The following ZDHHC20 variants were observed in gnomAD, a reference collection of about 807,000 sequenced individuals.
The protein encoded by ZDHHC20 is palmitoyltransferase ZDHHC20.
A neutral mutation model predicts 57.8 loss-of-function variants in ZDHHC20; 43 were observed. The ratio of observed to expected loss-of-function variants is 0.74; its 90% CI spans 0.58 to 0.96. The LOEUF is 0.96. Among genes scored for constraint, ZDHHC20 ranks in the 40% least tolerant of loss-of-function variants. The pLI, the probability that ZDHHC20 is intolerant of heterozygous loss-of-function variation, is 0.00. For missense variants in ZDHHC20, 391 were observed against 441.1 expected (o/e 0.89, Z 1.02); for synonymous variants, 157 against 153.0 (o/e 1.03, Z -0.19).
chr13:21,445,349 CTT>C (rs1440654013), intron 1 of ZDHHC20, among the ~76,000 whole-genome samples: 1 of 152,048 alleles, frequency 6.6e-6, no homozygotes, highest in Non-Finnish European at 1.5e-5. Flanking sequence ...ACCTATGAGT[CTT>C]TGTTTTTAAT....
chr13:21,451,409 CAAG>C (rs746978837), intron 1 of ZDHHC20, among the ~76,000 whole-genome samples: 20 of 152,050 alleles, frequency 1.3e-4, no homozygotes, highest in Non-Finnish European at 2.9e-4. Flanking sequence ...CTAATGGATA[CAAG>C]AACAAACAGG....
intron 1 of ZDHHC20, among the ~76,000 whole-genome samples, chr13:21,448,500 CGTCCGGG>C (rs1884089138): frequency 9.9e-6 from 1 of 101,074 alleles, no homozygotes; most frequent in African/African-American, 3.2e-5. Flanking sequence ...CCAGCCGCCC[CGTCCGGG>C]AGGTGAGGGG....
Position 21,387,743 on chromosome 13 carries a change from A to G in ZDHHC20, c.728-109T>C, listed in dbSNP as rs1296824255. On this transcript the variant is annotated intron_variant, in intron 8 of 12. Coordinates refer to ENST00000400590, the MANE Select transcript of ZDHHC20 (RefSeq NM_001330059.2). ...TATCTTTGACACAAAAACTGTAAAT[A>G]TAATTTAAAATAAATAATACATTAG... 10 of 563,336 alleles carry G rather than the reference A, an allele frequency of 1.8e-5. No individual in the cohort carries two copies. In the East Asian group the frequency reaches 3.1e-4, roughly 17 times the overall value. The allele number at this position is 563,336 out of a possible 1,614,324, so 34.9% of individuals were successfully genotyped here.
rs1162358506 is a variant in ZDHHC20, at chr13:21,373,316, T to C, written c.*3380A>G. On this transcript the variant is annotated 3_prime_UTR_variant, in exon 13 of 13. Coordinates refer to ENST00000400590, the MANE Select transcript of ZDHHC20 (RefSeq NM_001330059.2). ...AGATAACTGAAAGATCTCACATGCCTGATAATCCTTAATTTAAACCGTCCT... is the reference window on the plus strand; with the variant it reads ...AGATAACTGAAAGATCTCACATGCCCGATAATCCTTAATTTAAACCGTCCT... The C allele has an allele frequency of 6.6e-6, 1 of 152,208 alleles. No individual in the cohort carries two copies. The highest frequency in any genetic ancestry group is 1.9e-4 in the East Asian group (1 of 5,204). 9.4% of individuals were successfully genotyped at this position (152,208 alleles called of 1,614,324 possible).
chr13:21,409,737 C>G lies in ZDHHC20; in HGVS notation c.370+3915G>C, dbSNP rs536230817. Among the ~76,000 whole-genome samples, 7 of 152,250 alleles carry G rather than the reference C, an allele frequency of 4.6e-5. No homozygotes were observed. The South Asian group carries it at 1.5e-3, about 32-fold the overall frequency. ...CTCGTGGTGTGTTTTTCAGCTCCAT[C>G]AAGTCAAAGGTTCTTCTCTAAACTG... is the stretch of plus-strand genomic sequence containing the variant. On this transcript the variant is annotated intron_variant, in intron 4 of 12. Coordinates refer to ENST00000400590, the MANE Select transcript of ZDHHC20 (RefSeq NM_001330059.2).
chr13:21,413,127 G>C (rs1194088986), intron 4 of ZDHHC20, among the ~76,000 whole-genome samples: 1 of 152,072 alleles, frequency 6.6e-6, no homozygotes, highest in East Asian at 1.9e-4. Context: ...TGCTGTTACA[G>C]TCATGGATCT....
intron 1 of ZDHHC20, among the ~76,000 whole-genome samples, chr13:21,453,104 C>A (rs1000574957): frequency 9.9e-5 from 15 of 152,052 alleles, no homozygotes; most frequent in Non-Finnish European, 1.6e-4. Context: ...AAGACACATA[C>A]ACATTAAAAG....
At chr13:21,424,331 T>C (rs1369736321) in intron 2 of ZDHHC20, among the ~76,000 whole-genome samples, 4 of 152,172 alleles carry the variant, frequency 2.6e-5, no homozygotes, top group Non-Finnish European at 5.9e-5. Context: ...GAAACCTATA[T>C]ACCAAACTCT....
Position 21,387,510 on chromosome 13 carries a change from TGAAAATATTGGAA to T in ZDHHC20, c.839_851del (p.Leu280GlnfsTer76). The T allele has an allele frequency of 6.6e-7, 1 of 1,520,734 alleles. No individual in the cohort carries two copies. Among genetic ancestry groups the T allele is most frequent in the East Asian group, 2.5e-5 (1 of 40,458 alleles). The allele number at this position is 1,520,734 out of a possible 1,614,324, so 94.2% of individuals were successfully genotyped here. A position where few individuals can be genotyped will look rare whatever the true frequency, so the allele number is the denominator to read the frequency against. On this transcript the variant is annotated frameshift_variant, in exon 9 of 13. Coordinates refer to ENST00000400590, the MANE Select transcript of ZDHHC20 (RefSeq NM_001330059.2). LOFTEE classifies it high-confidence loss of function. ...GAGACCCACATTTTATAAATTACCT[TGAAAATATTGGAA>T]GTAGCCAATATTTCTTTTCATCACC...
At chr13:21,423,462 G>A (rs1283106728) in intron 2 of ZDHHC20, among the ~76,000 whole-genome samples, 1 of 151,994 alleles carries the variant, frequency 6.6e-6, no homozygotes, top group African/African-American at 2.4e-5. Context: ...GATCACTTGA[G>A]GTCAGGAGTT....
Position 21,374,859 on chromosome 13 carries a change from C to T in ZDHHC20, c.*1837G>A, listed in dbSNP as rs1340553763. ...CTCCAAAAAATTTACCGGGGCGGGG[C>T]GTGGTGGCTCACGCCTGTAATCCCA... On this transcript the variant is annotated 3_prime_UTR_variant, in exon 13 of 13. Coordinates refer to ENST00000400590, the MANE Select transcript of ZDHHC20 (RefSeq NM_001330059.2). 9.9e-6 allele frequency: 3 copies of T among 302,842 alleles called. No individual in the cohort carries two copies. Among genetic ancestry groups the T allele is most frequent in the South Asian group, 2.9e-5 (1 of 34,874 alleles). The allele number at this position is 302,842 out of a possible 1,614,324, so 18.8% of individuals were successfully genotyped here.
chr13:21,450,449 C>T (rs1407741578), intron 1 of ZDHHC20, among the ~76,000 whole-genome samples: 2 of 152,224 alleles, frequency 1.3e-5, no homozygotes, highest in East Asian at 3.9e-4. Flanking sequence ...GGAAATAAAA[C>T]AGATCTTTTT....
chr13:21,457,260 AC>A (rs1885001781), intron 1 of ZDHHC20, among the ~76,000 whole-genome samples: 1 of 152,210 alleles, frequency 6.6e-6, no homozygotes, highest in Non-Finnish European at 1.5e-5. Flanking sequence ...ACATAAATGC[AC>A]ATTTTTAGTG....
intron 1 of ZDHHC20, among the ~76,000 whole-genome samples, chr13:21,449,429 G>A (rs1270445501): frequency 2.0e-5 from 3 of 151,936 alleles, no homozygotes; most frequent in Non-Finnish European, 4.4e-5. Context: ...TCTTCTCCAT[G>A]TGGTCTCTCA....
chr13:21,401,703 AT>A lies in ZDHHC20; in HGVS notation c.441-19del, dbSNP rs1400711821. 10 of 1,491,664 alleles carry A rather than the reference AT, an allele frequency of 6.7e-6. No homozygotes were observed. The highest frequency in any genetic ancestry group is 8.9e-6 in the Non-Finnish European group (10 of 1,126,150). 92.4% of individuals were successfully genotyped at this position (1,491,664 alleles called of 1,614,324 possible). A position where few individuals can be genotyped will look rare whatever the true frequency, so the allele number is the denominator to read the frequency against. On this transcript the variant is annotated intron_variant, in intron 5 of 12. Coordinates refer to ENST00000400590, the MANE Select transcript of ZDHHC20 (RefSeq NM_001330059.2). ...GAATACATCTAGGAAACAAACAAGC[AT>A]AAGAAAATCCATGCAGAAAAATTCT...
intron 4 of ZDHHC20, among the ~76,000 whole-genome samples, chr13:21,403,988 G>C (rs1436133047): frequency 6.6e-6 from 1 of 152,072 alleles, no homozygotes; most frequent in Non-Finnish European, 1.5e-5. Context: ...GTGGCTGGCG[G>C]GGAGAATGAG....
chr13:21,414,697 T>C (rs1879737082), intron 3 of ZDHHC20, among the ~76,000 whole-genome samples: 1 of 152,014 alleles, frequency 6.6e-6, no homozygotes, highest in South Asian at 2.1e-4. Flanking sequence ...TTTCACTTCT[T>C]ACTGTTTGTT....
intron 11 of ZDHHC20, among the ~76,000 whole-genome samples, chr13:21,381,151 C>T (rs9509672): frequency 0.15 from 22,331 of 151,726 alleles, 2,217 homozygotes; most frequent in Non-Finnish European, 0.23. Context: ...GGAATACAGG[C>T]GCCCGCCACC....
At chr13:21,405,996 C>T (rs1321201886) in intron 4 of ZDHHC20, among the ~76,000 whole-genome samples, 2 of 152,056 alleles carry the variant, frequency 1.3e-5, no homozygotes, top group African/African-American at 4.8e-5. Flanking sequence ...AAACATCCAA[C>T]GTAAAATGGA....
Sources: allele counts gnomAD v4.1 joint callset (sites outside exome capture counted in the v4.1 genomes callset), GRCh38; gene constraint gnomAD v4.1.1; transcripts MANE v1.5; gene names NCBI Gene and HGNC (gene_info 2026-07-23, HGNC 2026-07-21).